NECTIN2: variants seen among roughly 807,000 people sequenced by gnomAD.
NECTIN2 encodes the protein nectin cell adhesion molecule 2.
NECTIN2 carries 23 observed loss-of-function variants against 56.9 expected under a neutral mutation model. That is an observed-to-expected ratio of 0.40 (90% CI 0.29 to 0.57). NECTIN2 has a LOEUF of 0.57. Ranked by LOEUF, NECTIN2 falls within the 20% of genes least tolerant of loss-of-function variation. The pLI is 0.38. For missense variants in NECTIN2, 587 were observed against 718.3 expected (o/e 0.82, Z 2.09); for synonymous variants, 302 against 313.8 (o/e 0.96, Z 0.40).
At chr19:44,885,877 C>T in intron 6 of NECTIN2, 60 bp from the exon 7 acceptor site, 1 of 1,399,906 alleles carries the variant, frequency 7.1e-7, no homozygotes, top group Non-Finnish European at 1.0e-6. Context: ...GTGCCATAAC[C>T]CCGGAGTCAG....
chr19:44,847,133 G>A (rs1399165460), intron 1 of NECTIN2, among the ~76,000 whole-genome samples: 1 of 152,162 alleles, frequency 6.6e-6, no homozygotes, highest in East Asian at 1.9e-4. Flanking sequence ...GAGGACAAGC[G>A]GACCTGATTC....
At chr19:44,862,703 C>A (rs1365165414) in intron 1 of NECTIN2, among the ~76,000 whole-genome samples, 1 of 151,908 alleles carries the variant, frequency 6.6e-6, no homozygotes, top group Non-Finnish European at 1.5e-5. Context: ...GGGAGGGAAA[C>A]AGGTGAGGGT....
In NECTIN2 at chr19:44,864,012, T is replaced by TTCCCCCCC. The variant is rs33951304; in HGVS notation, c.89-1259_89-1258insTCCCCCCC. On this transcript the variant is annotated intron_variant, in intron 1 of 8. Coordinates refer to ENST00000252483, the MANE Select transcript of NECTIN2 (RefSeq NM_001042724.2). ...TTTTATTGATTTATTTTCAGAGGAT[T>TTCCCCCCC]CCCCCCCCCCAAAAAAAAATCTTAT... 3.4e-5 allele frequency among the ~76,000 whole-genome samples: 5 copies of TTCCCCCCC among 146,610 alleles called. No homozygotes were observed. In the East Asian group the frequency reaches 8.7e-4, roughly 26 times the overall value.
chr19:44,887,982 C>T, intron 8 of NECTIN2, 128 bp from the exon 9 acceptor site: 1 of 1,001,706 alleles, frequency 1.0e-6, no homozygotes, highest in Non-Finnish European at 1.5e-6. Context: ...CCTCAGGGGA[C>T]AAGGAGTGAG....
Position 44,874,599 on chromosome 19 carries a change from T to C in NECTIN2, c.1042+121T>C, listed in dbSNP as rs113736257. On this transcript the variant is annotated intron_variant, in intron 5 of 8. Transcript: ENST00000252483. The surrounding 1 kb of genome is among the most constrained non-coding windows in gnomAD (Gnocchi z 6.3). ...CGCCGACCTGGGAGGGATGCAGACC[T>C]GCCTGGCTGAGGGGAGATGAGGGTT... is the stretch of plus-strand genomic sequence containing the variant. 527 of 1,293,074 alleles carry C rather than the reference T, an allele frequency of 4.1e-4. 1 individual carries two copies. The African/African-American group carries it at 6.8e-3, about 17-fold the overall frequency. The allele number at this position is 1,293,074 out of a possible 1,614,324, so 80.1% of individuals were successfully genotyped here. A position where few individuals can be genotyped will look rare whatever the true frequency, so the allele number is the denominator to read the frequency against.
intron 1 of NECTIN2, among the ~76,000 whole-genome samples, chr19:44,853,399 G>A (rs934510323): frequency 4.0e-5 from 6 of 151,580 alleles, no homozygotes; most frequent in Admixed American, 6.6e-5. Context: ...GTTTCACCGT[G>A]TTAGCCAGGA....
chr19:44,860,773 G>A (rs1969022984), intron 1 of NECTIN2, among the ~76,000 whole-genome samples: 1 of 151,728 alleles, frequency 6.6e-6, no homozygotes, highest in Admixed American at 6.6e-5. Context: ...ATTTTTAGTA[G>A]AGACAGGGTA....
At chr19:44,884,873 G>T (rs34342646) in intron 6 of NECTIN2, among the ~76,000 whole-genome samples, 1 of 152,130 alleles carries the variant, frequency 6.6e-6, no homozygotes, top group Non-Finnish European at 1.5e-5. Context: ...TAATTTGAGG[G>T]ACAGGAAGGC....
At position 44,850,902 on chromosome 19, in the gene NECTIN2, C is replaced by G. The variant is rs1968891465; in HGVS notation, c.88+4289C>G. On this transcript the variant is annotated intron_variant, in intron 1 of 8. Transcript: ENST00000252483. ...CCTTCTCTAGTCCCGACGTGCCTTG[C>G]CATGGGAGGCTGGGTCGCTGTGCTT... Among the ~76,000 whole-genome samples, 3 of 152,272 alleles carry G rather than the reference C, an allele frequency of 2.0e-5. No homozygotes were observed. The South Asian group carries it at 6.2e-4, about 32-fold the overall frequency.
intron 2 of NECTIN2, among the ~76,000 whole-genome samples, chr19:44,866,713 TG>T (rs1364303462): frequency 1.3e-5 from 2 of 151,972 alleles, no homozygotes; most frequent in African/African-American, 4.8e-5. Context: ...GCAAAAGCCT[TG>T]TGGACTATAA....
chr19:44,855,579 C>A (rs1359115578), intron 1 of NECTIN2, among the ~76,000 whole-genome samples: 1 of 152,106 alleles, frequency 6.6e-6, no homozygotes, highest in Non-Finnish European at 1.5e-5. Flanking sequence ...TCAGACAGGT[C>A]AAGCCTCTTC....
intron 1 of NECTIN2, among the ~76,000 whole-genome samples, chr19:44,850,188 C>A (rs1038873660): frequency 8.6e-5 from 13 of 151,824 alleles, no homozygotes; most frequent in Non-Finnish European, 1.6e-4. Context: ...CAGAGCAAGA[C>A]CCTGTCTCAA....
Position 44,850,951 on chromosome 19 carries a change from G to A in NECTIN2, c.88+4338G>A, listed in dbSNP as rs532947852. On this transcript the variant is annotated intron_variant, in intron 1 of 8. Transcript: ENST00000252483. ...TTTATAGATCTGCGGGGGAAGCCAG[G>A]CCCTGGGGAGCCAGCCAGGCAGGAG... Among the ~76,000 whole-genome samples the A allele has an allele frequency of 2.6e-3, 400 of 152,250 alleles. 3 individuals carry two copies. Among genetic ancestry groups the A allele is most frequent in the South Asian group, 3.7e-3 (18 of 4,830 alleles).
chr19:44,860,133 G>A (rs1358279644), intron 1 of NECTIN2, among the ~76,000 whole-genome samples: 1 of 152,200 alleles, frequency 6.6e-6, no homozygotes, highest in Non-Finnish European at 1.5e-5. Flanking sequence ...TACATGAAAT[G>A]TCCAGAACAG....
intron 1 of NECTIN2, among the ~76,000 whole-genome samples, chr19:44,855,149 G>A (rs539951719): frequency 6.7e-6 from 1 of 149,576 alleles, no homozygotes; most frequent in East Asian, 2.0e-4. Context: ...GAGTCAGCCT[G>A]GCGCAGTGGC....
At chr19:44,858,111 G>A (rs1012211322) in intron 1 of NECTIN2, among the ~76,000 whole-genome samples, 12 of 152,198 alleles carry the variant, frequency 7.9e-5, no homozygotes, top group African/African-American at 2.6e-4. Flanking sequence ...GTCTCCCTGG[G>A]CCTGATACAT....
In NECTIN2 at chr19:44,865,443, T is replaced by A; in HGVS notation, c.261T>A (p.Pro87=). The change falls in exon 2 of 9, where the codon CCT becomes CCA. Residue 87 remains proline, a synonymous_variant. Transcript: ENST00000252483. This position sits in a 1 kb window ranked among gnomAD's most constrained non-coding sequence, Gnocchi z 5.2. ...ANHQNVAAFH[P]KMGPSFPSPK... ...ACCAGAATGTGGCCGCCTTCCACCC[T>A]AAGATGGGTCCCAGCTTCCCCAGCC... The A allele has an allele frequency of 6.2e-7, 1 of 1,614,096 alleles. No individual in the cohort carries two copies. Among genetic ancestry groups the A allele is most frequent in the Non-Finnish European group, 8.5e-7 (1 of 1,180,006 alleles).
chr19:44,874,570 G>A lies in NECTIN2; in HGVS notation c.1042+92G>A, dbSNP rs1303649138. On this transcript the variant is annotated intron_variant, in intron 5 of 8. Transcript: ENST00000252483. The surrounding 1 kb of genome is among the most constrained non-coding windows in gnomAD (Gnocchi z 6.3). ...ACTTGGGGCTGCACTGGGGGAGGCT[G>A]CGCCGCCGACCTGGGAGGGATGCAG... The A allele has an allele frequency of 2.0e-6, 3 of 1,514,176 alleles. No homozygotes were observed. The highest frequency in any genetic ancestry group is 2.7e-6 in the Non-Finnish European group (3 of 1,112,716). The allele number at this position is 1,514,176 out of a possible 1,614,324, so 93.8% of individuals were successfully genotyped here.
chr19:44,859,368 C>A (rs1969005874), intron 1 of NECTIN2, among the ~76,000 whole-genome samples: 1 of 152,172 alleles, frequency 6.6e-6, no homozygotes, highest in Non-Finnish European at 1.5e-5. Flanking sequence ...TTATTAACCT[C>A]ACATCACAGC....
Sources: allele counts gnomAD v4.1 joint callset (sites outside exome capture counted in the v4.1 genomes callset), GRCh38; gene constraint gnomAD v4.1.1; non-coding constraint Gnocchi (gnomAD v3.1); transcripts MANE v1.5; gene names NCBI Gene and HGNC (gene_info 2026-07-23, HGNC 2026-07-21).